Variants in ACAP2 observed in about 807,000 individuals in gnomAD.
ACAP2 encodes the protein ArfGAP with coiled-coil, ankyrin repeat and PH domains 2.
In ACAP2, 39 loss-of-function variants were observed where a neutral mutation model predicts 115.8. The ratio of observed to expected loss-of-function variants is 0.34; its 90% CI spans 0.26 to 0.44. The LOEUF is 0.44. Ranked by LOEUF, ACAP2 falls within the 20% of genes least tolerant of loss-of-function variation. The pLI is 1.00. For missense variants in ACAP2, 662 were observed against 927.6 expected, an observed-to-expected ratio of 0.71 and a Z score of 3.72; for synonymous variants, 289 against 315.8, an observed-to-expected ratio of 0.92 and a Z score of 0.90.
In ACAP2 at chr3:195,292,693, G is replaced by A. The variant is rs189578535; in HGVS notation, c.1766-241C>T. ...TCCCAGCACTTTGGGAGGCCGAGGG[G>A]GGTGGATCACTTGAGGTCAGGAGTT... On this transcript the variant is annotated intron_variant, in intron 18 of 22. Transcript: ENST00000326793. Among the ~76,000 whole-genome samples, 19 of 152,072 alleles carry A rather than the reference G, an allele frequency of 1.2e-4. No homozygotes were observed. The East Asian group carries it at 3.7e-3, about 29-fold the overall frequency.
At chr3:195,364,809 A>C (rs1298723754) in intron 4 of ACAP2, among the ~76,000 whole-genome samples, 1 of 152,218 alleles carries the variant, frequency 6.6e-6, no homozygotes, top group Non-Finnish European at 1.5e-5. Flanking sequence ...TCTGTGTATC[A>C]AAGAGATATA....
At chr3:195,429,493 C>T (rs1382975952) in intron 1 of ACAP2, among the ~76,000 whole-genome samples, 13 of 151,760 alleles carry the variant, frequency 8.6e-5, no homozygotes, top group Admixed American at 6.6e-4. Context: ...ACATACAAAC[C>T]ATAAGAATCT....
intron 1 of ACAP2, among the ~76,000 whole-genome samples, chr3:195,432,141 G>A (rs900738058): frequency 6.6e-6 from 1 of 152,072 alleles, no homozygotes; most frequent in Non-Finnish European, 1.5e-5. Context: ...CTCATTTTGT[G>A]CATGACTTTT....
intron 8 of ACAP2, among the ~76,000 whole-genome samples, chr3:195,331,237 A>AACAC (rs143740370): frequency 1.3e-5 from 2 of 150,694 alleles, no homozygotes; most frequent in South Asian, 2.1e-4. Context: ...CCCCCGTCTC[A>AACAC]ACACACACAC....
chr3:195,320,736 G>A lies in ACAP2; in HGVS notation c.822C>T (p.Phe274=). The change falls in exon 10 of 23, where the codon TTC becomes TTT. Residue 274 remains phenylalanine, a synonymous_variant. Transcript: ENST00000326793. ...ANGIVMEGYL[F]KRASNAFKTW... Reference sequence around the variant, plus strand: ...TTTTGAAGGCATTGCTGGCTCGTTTGAACAGATATCCTTCCATAACTATGC... The same window carrying A: ...TTTTGAAGGCATTGCTGGCTCGTTTAAACAGATATCCTTCCATAACTATGC... 1.2e-6 allele frequency: 2 copies of A among 1,613,504 alleles called. No individual in the cohort carries two copies. Among genetic ancestry groups the A allele is most frequent in the Non-Finnish European group, 1.7e-6 (2 of 1,179,644 alleles).
At position 195,323,242 on chromosome 3, in the gene ACAP2, C is replaced by CA. The variant is rs200828231; in HGVS notation, c.745-2430dup. Among the ~76,000 whole-genome samples, 413 of 151,238 alleles carry CA rather than the reference C, an allele frequency of 2.7e-3. 17 individuals carry two copies. In the East Asian group the frequency reaches 0.071, roughly 26 times the overall value. On this transcript the variant is annotated intron_variant, in intron 9 of 22. Coordinates refer to ENST00000326793, the MANE Select transcript of ACAP2 (RefSeq NM_012287.6). Reference sequence around the variant, plus strand: ...ATGAAACTCCTAGCCAGCAAAATAACAAAAAAAGAGTACAAGATTGGAAAG... The same window carrying CA: ...ATGAAACTCCTAGCCAGCAAAATAACAAAAAAAAGAGTACAAGATTGGAAAG...
intron 6 of ACAP2, among the ~76,000 whole-genome samples, chr3:195,341,532 G>C (rs1395136181): frequency 1.3e-5 from 2 of 151,976 alleles, no homozygotes; most frequent in Non-Finnish European, 2.9e-5. Context: ...CGCCGTGTTA[G>C]CCAGGATGGT....
intron 1 of ACAP2, among the ~76,000 whole-genome samples, chr3:195,428,923 T>C (rs888000815): frequency 6.6e-6 from 1 of 152,190 alleles, no homozygotes. Flanking sequence ...ATTCAACTCC[T>C]AGGTATTTAT....
chr3:195,297,049 G>GAA, intron 16 of ACAP2, 141 bp downstream of exon 16: 2 of 687,046 alleles, frequency 2.9e-6, no homozygotes, highest in Non-Finnish European at 5.1e-6. Context: ...ACATACCGAA[G>GAA]AAAGAGATAG....
chr3:195,304,103 G>A (rs1261206943), intron 13 of ACAP2, among the ~76,000 whole-genome samples: 2 of 128,294 alleles, frequency 1.6e-5, no homozygotes, highest in African/African-American at 3.0e-5. Context: ...GGTGGAAGTT[G>A]CAGTGAGCTG....
At chr3:195,358,484 G>C (rs547775171) in intron 4 of ACAP2, among the ~76,000 whole-genome samples, 2 of 152,164 alleles carry the variant, frequency 1.3e-5, no homozygotes, top group South Asian at 2.1e-4. Context: ...AGAAATACAA[G>C]ATAACAGAGA....
chr3:195,395,554 T>G (rs1433720330), intron 1 of ACAP2, among the ~76,000 whole-genome samples: 1 of 152,234 alleles, frequency 6.6e-6, no homozygotes, highest in Non-Finnish European at 1.5e-5. Flanking sequence ...AACTCAAATT[T>G]CTGTTCCTCT....
At chr3:195,380,240 CAT>C (rs1470689150) in intron 4 of ACAP2, among the ~76,000 whole-genome samples, 1 of 152,058 alleles carries the variant, frequency 6.6e-6, no homozygotes, top group Non-Finnish European at 1.5e-5. Context: ...TAAACATTGT[CAT>C]ATTACTGCAT....
intron 1 of ACAP2, among the ~76,000 whole-genome samples, chr3:195,397,301 A>G (rs960510027): frequency 1.3e-5 from 2 of 152,142 alleles, no homozygotes; most frequent in African/African-American, 4.8e-5. Flanking sequence ...ATGCTGGACT[A>G]TTCTTTGCAA....
At chr3:195,288,690 T>A (rs1434373321) in intron 21 of ACAP2, among the ~76,000 whole-genome samples, 2 of 152,076 alleles carry the variant, frequency 1.3e-5, no homozygotes, top group African/African-American at 4.8e-5. Flanking sequence ...AAACCCCATC[T>A]CTACTAAAAA....
intron 10 of ACAP2, chr3:195,312,926 G>A (rs1728860688): frequency 6.6e-6 from 1 of 152,196 alleles, no homozygotes; most frequent in Non-Finnish European, 1.5e-5. Flanking sequence ...TGAGGGTAAA[G>A]GGAAGGAAGC....
At chr3:195,407,040 G>C (rs539679996) in intron 1 of ACAP2, among the ~76,000 whole-genome samples, 1 of 151,832 alleles carries the variant, frequency 6.6e-6, no homozygotes, top group African/African-American at 2.4e-5. Context: ...TCCTATGAGA[G>C]AGAGAGGAAG....
At chr3:195,320,612 A>G (rs12489849) in intron 10 of ACAP2, 89 bp downstream of exon 10, 22,403 of 850,674 alleles carry the variant, frequency 0.026, 850 homozygotes, top group South Asian at 0.098. Context: ...GAAGTTAAAG[A>G]ACTATAAAGG....
Position 195,308,679 on chromosome 3 carries a change from A to G in ACAP2, c.909+107T>C. On this transcript the variant is annotated intron_variant, in intron 11 of 22. Transcript: ENST00000326793. ...TGCTCAAACATAAAACTAATAAATAATTACATTAATTTTACACAAATGAGT... is the reference window on the plus strand; with the variant it reads ...TGCTCAAACATAAAACTAATAAATAGTTACATTAATTTTACACAAATGAGT... 8.8e-6 allele frequency: 8 copies of G among 904,156 alleles called. 1 individual carries two copies. In the South Asian group the frequency reaches 1.4e-4, roughly 15 times the overall value. The allele number at this position is 904,156 out of a possible 1,614,324, so 56.0% of individuals were successfully genotyped here. A position where few individuals can be genotyped will look rare whatever the true frequency, so the allele number is the denominator to read the frequency against.
Sources: gnomAD v4.1 joint callset for allele counts (sites outside exome capture counted in the v4.1 genomes callset) on GRCh38, gnomAD v4.1.1 for gene constraint, MANE v1.5 for transcripts, NCBI Gene and HGNC (gene_info 2026-07-23, HGNC 2026-07-21) for gene names.